Variants in LRP1B observed in about 807,000 individuals in gnomAD.
The protein encoded by LRP1B is low-density lipoprotein receptor-related protein 1B.
A neutral mutation model predicts 556.6 loss-of-function variants in LRP1B; 217 were observed. The ratio of observed to expected loss-of-function variants is 0.39; its 90% CI spans 0.35 to 0.44. The LOEUF is 0.44. Ranked by LOEUF, LRP1B falls within the 20% of genes least tolerant of loss-of-function variation. The pLI, the probability that LRP1B is intolerant of heterozygous loss-of-function variation, is 1.00. For synonymous variants in LRP1B, 2,047 were observed against 1,865.8 expected, an observed-to-expected ratio of 1.10 and a Z score of -2.50; for missense variants, 5,053 against 5,620.8, an observed-to-expected ratio of 0.90 and a Z score of 3.23.
intron 23 of LRP1B, among the ~76,000 whole-genome samples, chr2:140,901,122 A>ATC (rs1694092575): frequency 6.6e-6 from 1 of 152,164 alleles, no homozygotes; most frequent in African/African-American, 2.4e-5. Context: ...ATAGATAAGT[A>ATC]AGCAACAATG....
intron 66 of LRP1B, among the ~76,000 whole-genome samples, chr2:140,438,594 A>T (rs1686291587): frequency 6.6e-6 from 1 of 152,196 alleles, no homozygotes; most frequent in South Asian, 2.1e-4. Context: ...GAATGTTCTC[A>T]GTGTCATGTT....
chr2:141,521,954 T>C (rs1037854382), intron 2 of LRP1B, among the ~76,000 whole-genome samples: 1 of 152,106 alleles, frequency 6.6e-6, no homozygotes, highest in African/African-American at 2.4e-5. Flanking sequence ...GGCATTCAAT[T>C]GCCTATATAC....
intron 2 of LRP1B, among the ~76,000 whole-genome samples, chr2:141,731,257 G>A (rs545048022): frequency 4.8e-4 from 73 of 152,142 alleles, no homozygotes; most frequent in Middle Eastern, 3.4e-3. Flanking sequence ...ACACTGACTC[G>A]GAATTTCCAG....
intron 3 of LRP1B, among the ~76,000 whole-genome samples, chr2:141,303,497 TA>T (rs1444506795): frequency 6.6e-6 from 1 of 152,150 alleles, no homozygotes. Context: ...CTCCATGAAA[TA>T]AAAATTTTTA....
At chr2:141,051,057 C>A (rs1253152762) in intron 10 of LRP1B, among the ~76,000 whole-genome samples, 1 of 152,036 alleles carries the variant, frequency 6.6e-6, no homozygotes, top group African/African-American at 2.4e-5. Context: ...TAGAGAAATG[C>A]AAATCAAAAC....
chr2:142,010,401 A>C (rs1233415881), intron 1 of LRP1B, among the ~76,000 whole-genome samples: 1 of 151,720 alleles, frequency 6.6e-6, no homozygotes, highest in Non-Finnish European at 1.5e-5. Context: ...AAAAATACAA[A>C]AAATTAGCCG....
At chr2:140,777,006 T>G (rs1052923520) in intron 32 of LRP1B, among the ~76,000 whole-genome samples, 16 of 152,192 alleles carry the variant, frequency 1.1e-4, no homozygotes, top group African/African-American at 2.9e-4. Context: ...AATTTACATA[T>G]TTCATCTCCC....
chr2:141,005,599 A>G, intron 14 of LRP1B, 142 bp from the exon 15 acceptor site: 1 of 648,594 alleles, frequency 1.5e-6, no homozygotes, highest in Non-Finnish European at 2.3e-6. Context: ...CTGTTGAATC[A>G]TAACTAAATT....
intron 43 of LRP1B, among the ~76,000 whole-genome samples, chr2:140,592,699 T>C (rs1467852337): frequency 6.6e-6 from 1 of 152,174 alleles, no homozygotes; most frequent in Non-Finnish European, 1.5e-5. Context: ...ATATAGATGA[T>C]AAGTTGATGC....
rs67960557 is a variant in LRP1B, at chr2:141,492,091, A to AAAAAAAAAAAAAAAAAAAAAAAAAAAAC, written c.206-11559_206-11558insGTTTTTTTTTTTTTTTTTTTTTTTTTTT. 2.0e-5 allele frequency among the ~76,000 whole-genome samples: 2 copies of AAAAAAAAAAAAAAAAAAAAAAAAAAAAC among 100,194 alleles called. 1 individual carries two copies. The highest frequency in any genetic ancestry group is 3.7e-5 in the Non-Finnish European group (2 of 53,398). 65.7% of individuals were successfully genotyped at this position (100,194 alleles called of 152,430 possible). A position where few individuals can be genotyped will look rare whatever the true frequency, so the allele number is the denominator to read the frequency against. On this transcript the variant is annotated intron_variant, in intron 2 of 90. Coordinates refer to ENST00000389484, the MANE Select transcript of LRP1B (RefSeq NM_018557.3). ...TATTTAGCTTTCTGAAAAAAAAAAA[A>AAAAAAAAAAAAAAAAAAAAAAAAAAAAC]CACTAAGAAAACCAACATTTGATGA...
In LRP1B at chr2:140,886,329, A is replaced by G; in HGVS notation, c.3773T>C (p.Phe1258Ser). The G allele has an allele frequency of 6.5e-7, 1 of 1,545,298 alleles. No individual in the cohort carries two copies. The highest frequency in any genetic ancestry group is 1.9e-5 in the Admixed American group (1 of 52,476). ...AATAGAAAAGATGATGAATGCTTCA[A>G]AAGGATCTGAAATTAAATTTATTTT... ...DGESCTSVDP[F>S]EAFIIFSIRH... The change falls in exon 24 of 91, where the codon TTT (phenylalanine) becomes TCT (serine). Residue 1258 changes from phenylalanine to serine, a missense_variant. Phe to Ser is a radical substitution (Grantham distance 155, BLOSUM62 -2). Around this residue, in one of 5 missense-constraint regions of LRP1B, gnomAD observed 3,619 missense variants for 3,931.9 expected, o/e 0.92. Coordinates refer to ENST00000389484, the MANE Select transcript of LRP1B (RefSeq NM_018557.3).
intron 6 of LRP1B, among the ~76,000 whole-genome samples, chr2:141,226,855 C>T (rs930749911): frequency 1.3e-5 from 2 of 152,136 alleles, no homozygotes; most frequent in African/African-American, 4.8e-5. Context: ...CACACCCCTG[C>T]CCCACTCCCA....
rs1191855529 is a variant in LRP1B, at chr2:141,896,662, T to A, written c.83-86261A>T. Among the ~76,000 whole-genome samples, 3 of 152,180 alleles carry A rather than the reference T, an allele frequency of 2.0e-5. No individual in the cohort carries two copies. In the East Asian group the frequency reaches 5.8e-4, roughly 29 times the overall value. ...AATGCAAACAAAAATGTAGGCATCA[T>A]AATTAGCTGCCCATATTTTAATGTA... On this transcript the variant is annotated intron_variant, in intron 1 of 90. Coordinates refer to ENST00000389484, the MANE Select transcript of LRP1B (RefSeq NM_018557.3).
chr2:141,611,016 A>C (rs561871377), intron 2 of LRP1B, among the ~76,000 whole-genome samples: 2 of 152,296 alleles, frequency 1.3e-5, no homozygotes, highest in South Asian at 4.1e-4. Flanking sequence ...AGATGCAGAA[A>C]GTTGTTTAAA....
chr2:141,164,058 A>T (rs1368020768), intron 7 of LRP1B, among the ~76,000 whole-genome samples: 1 of 152,070 alleles, frequency 6.6e-6, no homozygotes, highest in Non-Finnish European at 1.5e-5. Context: ...ATTGAATTCA[A>T]TTCTGGTTGT....
At chr2:140,920,490 A>G (rs1573880408) in intron 21 of LRP1B, among the ~76,000 whole-genome samples, 1 of 152,182 alleles carries the variant, frequency 6.6e-6, no homozygotes, top group East Asian at 1.9e-4. Flanking sequence ...TTTGGATTAA[A>G]CATTGTGGGT....
intron 32 of LRP1B, among the ~76,000 whole-genome samples, chr2:140,783,017 C>T (rs550432095): frequency 2.0e-4 from 30 of 152,176 alleles, no homozygotes; most frequent in African/African-American, 7.2e-4. Context: ...AAATAGTCTC[C>T]CATTGGACCT....
intron 3 of LRP1B, among the ~76,000 whole-genome samples, chr2:141,344,405 A>T (rs1022540432): frequency 3.3e-5 from 5 of 152,100 alleles, no homozygotes; most frequent in Middle Eastern, 3.4e-3. Flanking sequence ...TTGTTAACTA[A>T]GTAAGCTAGG....
At chr2:140,366,039 AG>A (rs1477223275) in intron 71 of LRP1B, among the ~76,000 whole-genome samples, 1 of 151,734 alleles carries the variant, frequency 6.6e-6, no homozygotes, top group Non-Finnish European at 1.5e-5. Flanking sequence ...CAGTAGCAAA[AG>A]TTTTAATTTA....
Sources: allele counts gnomAD v4.1 joint callset (sites outside exome capture counted in the v4.1 genomes callset), GRCh38; gene constraint gnomAD v4.1.1; regional missense constraint gnomAD v4.1.1; transcripts MANE v1.5; gene names NCBI Gene and HGNC (gene_info 2026-07-23, HGNC 2026-07-21).